The following ADAM19 variants were observed in gnomAD, a reference collection of about 807,000 sequenced individuals.
ADAM19 encodes disintegrin and metalloproteinase domain-containing protein 19.
In ADAM19, 65 loss-of-function variants were observed where a neutral mutation model predicts 114.7. The ratio of observed to expected loss-of-function variants is 0.57; its 90% CI spans 0.46 to 0.70. The LOEUF is 0.70. Among genes scored for constraint, ADAM19 ranks in the 30% least tolerant of loss-of-function variants. The pLI is 0.00. For synonymous variants in ADAM19, 466 were observed against 460.5 expected, an observed-to-expected ratio of 1.01 and a Z score of -0.15; for missense variants, 1,063 against 1,204.7, an observed-to-expected ratio of 0.88 and a Z score of 1.74.
At chr5:157,497,977 G>T (rs1452461566) in intron 13 of ADAM19, among the ~76,000 whole-genome samples, 2 of 152,228 alleles carry the variant, frequency 1.3e-5, no homozygotes, top group Non-Finnish European at 2.9e-5. Context: ...TTCTTGTGTG[G>T]AGTGAAGGGG....
intron 9 of ADAM19, 62 bp from the exon 10 acceptor site, chr5:157,507,202 C>T: frequency 6.5e-7 from 1 of 1,540,880 alleles, no homozygotes; most frequent in Non-Finnish European, 9.0e-7. Context: ...TCCAATGTGC[C>T]TGGGAGTAAG....
intron 11 of ADAM19, among the ~76,000 whole-genome samples, chr5:157,504,852 G>C (rs1755690487): frequency 7.1e-6 from 1 of 141,778 alleles, no homozygotes; most frequent in African/African-American, 2.7e-5. Context: ...CAGCGCGGTG[G>C]CTCACACCTG....
At chr5:157,556,261 C>G (rs1265444724) in intron 3 of ADAM19, among the ~76,000 whole-genome samples, 1 of 128,292 alleles carries the variant, frequency 7.8e-6, no homozygotes, top group Non-Finnish European at 1.6e-5. Context: ...CTCTATTGCC[C>G]AGGCTGGAGT....
chr5:157,532,502 TAAC>T (rs1756654132), intron 4 of ADAM19, among the ~76,000 whole-genome samples: 2 of 151,972 alleles, frequency 1.3e-5, no homozygotes, highest in Admixed American at 1.3e-4. Context: ...GAATCAGGGG[TAAC>T]AACAAGAGAC....
At chr5:157,570,683 T>C in intron 2 of ADAM19, 1 of 482,196 alleles carries the variant, frequency 2.1e-6, no homozygotes. Context: ...GAATTTTCAT[T>C]TCCTCAACTA....
In ADAM19 at chr5:157,509,389, C is replaced by T; in HGVS notation, c.817G>A (p.Glu273Lys). The T allele has an allele frequency of 6.2e-7, 1 of 1,613,812 alleles. No individual in the cohort carries two copies. Among genetic ancestry groups the T allele is most frequent in the Non-Finnish European group, 8.5e-7 (1 of 1,179,860 alleles). ...GACCAGAGGGTAGAATATGGATTCT[C>T]TGAAACTTCACACATGTTCCCGTGG... Reference protein sequence around the residue: ...WTHGNMCEVSENPYSTLWSFL... With the variant: ...WTHGNMCEVSKNPYSTLWSFL... The change falls in exon 9 of 23, where the codon GAG (glutamate) becomes AAG (lysine). Residue 273 changes from glutamate (E) to lysine (K), a missense_variant. Transcript: ENST00000257527.
At position 157,518,889 on chromosome 5, in the gene ADAM19, C is replaced by T. The variant is rs779673368; in HGVS notation, c.601-1G>A. The stretch of plus-strand genomic sequence containing the variant: ...TGGAGTTTAAATCTTCCCTTTTCAT[C>T]TAAGAAAGAGAAACAGATCAGCGCT... On this transcript the variant is annotated splice_acceptor_variant, in intron 6 of 22. Coordinates refer to ENST00000257527, the MANE Select transcript of ADAM19 (RefSeq NM_033274.5). LOFTEE classifies it high-confidence loss of function. The T allele has an allele frequency of 6.2e-7, 1 of 1,613,500 alleles. No individual in the cohort carries two copies. The highest frequency in any genetic ancestry group is 1.1e-5 in the South Asian group (1 of 91,082).
chr5:157,501,805 T>G (rs376519751), intron 12 of ADAM19, among the ~76,000 whole-genome samples: 21 of 151,742 alleles, frequency 1.4e-4, no homozygotes, highest in African/African-American at 4.8e-4. Flanking sequence ...TCCTAGTGCT[T>G]TGGGAGGCCG....
Position 157,477,458 on chromosome 5 carries a change from C to A in ADAM19, c.*3491G>T. The A allele has an allele frequency of 9.7e-7, 1 of 1,035,236 alleles. No homozygotes were observed. The highest frequency in any genetic ancestry group is 3.4e-5 in the South Asian group (1 of 29,030). 64.1% of individuals were successfully genotyped at this position (1,035,236 alleles called of 1,614,324 possible). A position where few individuals can be genotyped will look rare whatever the true frequency, so the allele number is the denominator to read the frequency against. On this transcript the variant is annotated 3_prime_UTR_variant, in exon 23 of 23. Coordinates refer to ENST00000257527, the MANE Select transcript of ADAM19 (RefSeq NM_033274.5). ...AGAAGATCTGTTTTCCGTGAACAATCTCCCAAATAAAAAGAAAATTCACAT... is the reference window on the plus strand; with the variant it reads ...AGAAGATCTGTTTTCCGTGAACAATATCCCAAATAAAAAGAAAATTCACAT...
In ADAM19 at chr5:157,561,130, T is replaced by C. The variant is rs142486210; in HGVS notation, c.251+3243A>G. Among the ~76,000 whole-genome samples, 59 of 152,258 alleles carry C rather than the reference T, an allele frequency of 3.9e-4. No individual in the cohort carries two copies. The East Asian group carries it at 4.6e-3, about 12-fold the overall frequency. ...GTCACTGTTTTTCACCTGCACTCAA[T>C]AGAGAAAAGAATGTGTGCTTCTCAC... On this transcript the variant is annotated intron_variant, in intron 3 of 22. Coordinates refer to ENST00000257527, the MANE Select transcript of ADAM19 (RefSeq NM_033274.5).
At chr5:157,549,735 C>G (rs564030661) in intron 3 of ADAM19, among the ~76,000 whole-genome samples, 8 of 152,188 alleles carry the variant, frequency 5.3e-5, no homozygotes, top group Non-Finnish European at 8.8e-5. Context: ...TAAGAATATC[C>G]TGTTTTCATG....
intron 3 of ADAM19, among the ~76,000 whole-genome samples, chr5:157,551,412 C>CAAAAA (rs58612508): frequency 1.7e-5 from 2 of 118,248 alleles, no homozygotes; most frequent in Admixed American, 9.6e-5. Flanking sequence ...CCCCCAACCC[C>CAAAAA]AAAAAAAAAA....
intron 1 of ADAM19, among the ~76,000 whole-genome samples, chr5:157,574,102 A>G (rs192274506): frequency 1.6e-4 from 24 of 152,360 alleles, no homozygotes; most frequent in Admixed American, 2.0e-4. Flanking sequence ...ACGAAACTGT[A>G]CTTATGGGTA....
At chr5:157,518,775 G>C in intron 7 of ADAM19, 48 bp downstream of exon 7, 1 of 1,381,546 alleles carries the variant, frequency 7.2e-7, no homozygotes, top group Non-Finnish European at 1.0e-6. Flanking sequence ...TGGAATGGAA[G>C]CTATCAAGAG....
At chr5:157,505,947 C>T in intron 10 of ADAM19, 139 bp from the exon 11 acceptor site, 1 of 876,294 alleles carries the variant, frequency 1.1e-6, no homozygotes, top group South Asian at 2.2e-5. Context: ...TCCATATGTG[C>T]CTCTGACAGC....
At chr5:157,485,135 G>A (rs1349191560) in intron 21 of ADAM19, among the ~76,000 whole-genome samples, 2 of 152,132 alleles carry the variant, frequency 1.3e-5, no homozygotes, top group African/African-American at 2.4e-5. Context: ...TCTTCAACTC[G>A]TTATCTATTT....
At chr5:157,498,129 C>A (rs925717344) in intron 13 of ADAM19, among the ~76,000 whole-genome samples, 1 of 152,210 alleles carries the variant, frequency 6.6e-6, no homozygotes, top group Non-Finnish European at 1.5e-5. Flanking sequence ...TGAGAACAGA[C>A]CCCCTCCCCT....
chr5:157,483,637 A>ATT (rs11376520), intron 21 of ADAM19, among the ~76,000 whole-genome samples: 4,727 of 144,964 alleles, frequency 0.033, 98 homozygotes, highest in Admixed American at 0.047. Context: ...TGAACATTCC[A>ATT]TTTTTTTTTT....
chr5:157,551,889 C>T (rs1205045649), intron 3 of ADAM19, among the ~76,000 whole-genome samples: 4 of 152,136 alleles, frequency 2.6e-5, no homozygotes, highest in African/African-American at 4.8e-5. Flanking sequence ...TGCCTTGACT[C>T]ATGCCTGTAA....
Sources: allele counts gnomAD v4.1 joint callset (sites outside exome capture counted in the v4.1 genomes callset), GRCh38; gene constraint gnomAD v4.1.1; transcripts MANE v1.5; gene names NCBI Gene and HGNC (gene_info 2026-07-23, HGNC 2026-07-21).